Variants in GLB1L3 observed in about 807,000 individuals in gnomAD.
GLB1L3 encodes galactosidase beta 1 like 3.
Under a neutral mutation model 89.5 loss-of-function variants are expected in GLB1L3, and 89 were observed. The ratio of observed to expected loss-of-function variants is 0.99; its 90% CI spans 0.84 to 1.19. The LOEUF (loss-of-function observed/expected upper bound fraction) is 1.19. Ranked by LOEUF, GLB1L3 falls within the 50% of genes most tolerant of loss-of-function variation. The pLI is 0.00. For synonymous variants in GLB1L3, 314 were observed against 312.3 expected, an observed-to-expected ratio of 1.01 and a Z score of -0.06; for missense variants, 812 against 813.3, an observed-to-expected ratio of 1.00 and a Z score of 0.02.
intron 9 of GLB1L3, among the ~76,000 whole-genome samples, chr11:134,296,788 A>G (rs1377770686): frequency 2.0e-5 from 3 of 150,844 alleles, no homozygotes; most frequent in Non-Finnish European, 4.4e-5. Context: ...ACATGTATAC[A>G]TATGTAACTA....
At chr11:134,290,509 G>A (rs1278127370) in intron 7 of GLB1L3, among the ~76,000 whole-genome samples, 1 of 149,232 alleles carries the variant, frequency 6.7e-6, no homozygotes, top group African/African-American at 2.5e-5. Flanking sequence ...GGAGATGGAG[G>A]TTGCAGTGAG....
rs1345375875 is a variant in GLB1L3 at position 134,319,051 on chromosome 11, T to A, written c.*109T>A. On this transcript the variant is annotated 3_prime_UTR_variant, in exon 20 of 20. Coordinates refer to ENST00000431683, the MANE Select transcript of GLB1L3 (RefSeq NM_001080407.3). ...CTCACTGCAAGCTCAGCCTCTCGGG[T>A]TCACGCCATTCTCCTGCCTCAGCCT... 2 of 753,086 alleles carry A rather than the reference T, an allele frequency of 2.7e-6. No homozygotes were observed. Among genetic ancestry groups the A allele is most frequent in the Non-Finnish European group, 4.5e-6 (2 of 443,260 alleles). The allele number at this position is 753,086 out of a possible 1,614,324, so 46.7% of individuals were successfully genotyped here.
At chr11:134,294,466 C>T (rs556054669) in intron 9 of GLB1L3, among the ~76,000 whole-genome samples, 1 of 152,218 alleles carries the variant, frequency 6.6e-6, no homozygotes, top group Non-Finnish European at 1.5e-5. Flanking sequence ...AATACCTTTG[C>T]TAAGTCTTCT....
chr11:134,316,976 A>C (rs1190191527), intron 18 of GLB1L3: 1 of 150,900 alleles, frequency 6.6e-6, no homozygotes, highest in Non-Finnish European at 1.5e-5. Context: ...CGAAGGCGCC[A>C]TTTGGCAGGT....
intron 10 of GLB1L3, 47 bp downstream of exon 10, chr11:134,307,255 C>A: frequency 1.5e-6 from 2 of 1,322,272 alleles, no homozygotes; most frequent in Non-Finnish European, 2.2e-6. Context: ...GGCCCCAGGT[C>A]CCATGAGAAC....
rs763123025 is a variant in GLB1L3, at chr11:134,312,873, A to G, written c.1486A>G (p.Ile496Val). 10 of 1,607,764 alleles carry G rather than the reference A, an allele frequency of 6.2e-6. No individual in the cohort carries two copies. The Admixed American group carries it at 1.3e-4, about 22-fold the overall frequency. Residue 496 changes from isoleucine to valine, a missense_variant, in exon 15 of 20, where the codon ATT (isoleucine) becomes GTT (valine). Ile to Val is a conservative substitution (Grantham distance 29, BLOSUM62 3). Coordinates refer to ENST00000431683, the MANE Select transcript of GLB1L3 (RefSeq NM_001080407.3). ...GAATGAGAATAATAAGGACCTGCAC[A>G]TTCCTGAACTCAGGGTATGTAATTT... The part of the protein sequence containing the change: ...ILNENNKDLH[I>V]PELRDCRYLR...
chr11:134,318,386 T>G (rs1461018689), intron 18 of GLB1L3, among the ~76,000 whole-genome samples: 1 of 152,250 alleles, frequency 6.6e-6, no homozygotes, highest in Non-Finnish European at 1.5e-5. Flanking sequence ...TTTTAAAATA[T>G]ATAACATTAT....
At chr11:134,288,927 C>T (rs1280191336) in intron 7 of GLB1L3, 37 bp downstream of exon 7, 3 of 1,344,758 alleles carry the variant, frequency 2.2e-6, no homozygotes, top group Admixed American at 1.8e-5. Flanking sequence ...GTTTACATGC[C>T]TCCTTCCTCC....
At chr11:134,288,592 G>A (rs1941150278) in intron 6 of GLB1L3, among the ~76,000 whole-genome samples, 1 of 152,146 alleles carries the variant, frequency 6.6e-6, no homozygotes. Flanking sequence ...GTTACGTACT[G>A]TAACGCACTA....
chr11:134,281,750 G>T (rs1226508004), intron 4 of GLB1L3, among the ~76,000 whole-genome samples: 3 of 119,174 alleles, frequency 2.5e-5, no homozygotes, highest in African/African-American at 8.6e-5. Flanking sequence ...GGCCCCTCTA[G>T]GCTAGCAAGG....
intron 15 of GLB1L3, 69 bp downstream of exon 15, chr11:134,312,956 ACAGT>A (rs1412088525): frequency 2.4e-5 from 26 of 1,096,428 alleles, no homozygotes; most frequent in Non-Finnish European, 3.3e-5. Flanking sequence ...TGGTCCTGAG[ACAGT>A]CAGCCTCCCT....
upstream of GLB1L3, chr11:134,276,354 C>T: frequency 5.0e-6 from 1 of 198,962 alleles, no homozygotes; most frequent in Non-Finnish European, 1.0e-5. Context: ...GCGCTGCGCT[C>T]TCTCCGCCCC....
At chr11:134,290,589 GAAAAGAAAAAAAAAGA>G (rs1941303953) in intron 7 of GLB1L3, among the ~76,000 whole-genome samples, 5 of 103,954 alleles carry the variant, frequency 4.8e-5, no homozygotes, top group African/African-American at 1.0e-4. Context: ...CAAAAAAAAA[GAAAAGAAAAAAAAAGA>G]AAAAGAAAAA....
At chr11:134,277,208 G>A (rs1466624359) in intron 1 of GLB1L3, 118 bp from the exon 2 acceptor site, 2 of 1,332,746 alleles carry the variant, frequency 1.5e-6, no homozygotes, top group East Asian at 2.3e-5. Flanking sequence ...ACCCGCCTGT[G>A]TCGCGGGCCC....
At chr11:134,278,135 GGGA>G (rs1940481562) in intron 3 of GLB1L3, among the ~76,000 whole-genome samples, 1 of 152,308 alleles carries the variant, frequency 6.6e-6, no homozygotes, top group South Asian at 2.1e-4. Context: ...AGAATCTCAA[GGGA>G]GGAGGTTATT....
At position 134,310,746 on chromosome 11, in the gene GLB1L3, C is replaced by T. The variant is rs571920460; in HGVS notation, c.1180+95C>T. 1.1e-5 allele frequency: 10 copies of T among 892,046 alleles called. No individual in the cohort carries two copies. The South Asian group carries it at 1.4e-4, about 12-fold the overall frequency. The allele number at this position is 892,046 out of a possible 1,614,324, so 55.3% of individuals were successfully genotyped here. A position where few individuals can be genotyped will look rare whatever the true frequency, so the allele number is the denominator to read the frequency against. Reference sequence around the variant, plus strand: ...GGAAGGCGTGGGTCTCCCTTGTGGGCAGCAGTTACACCAAGCTCCTGAGAA... The same window carrying T: ...GGAAGGCGTGGGTCTCCCTTGTGGGTAGCAGTTACACCAAGCTCCTGAGAA... On this transcript the variant is annotated intron_variant, in intron 12 of 19. Coordinates refer to ENST00000431683, the MANE Select transcript of GLB1L3 (RefSeq NM_001080407.3).
At chr11:134,296,842 A>AATAAT (rs1230328637) in intron 9 of GLB1L3, among the ~76,000 whole-genome samples, 30 of 131,702 alleles carry the variant, frequency 2.3e-4, no homozygotes, top group African/African-American at 7.8e-4. Flanking sequence ...AAAGTATAAT[A>AATAAT]ATAATAATAA....
intron 18 of GLB1L3, among the ~76,000 whole-genome samples, chr11:134,316,034 C>G (rs567386085): frequency 5.1e-4 from 78 of 152,206 alleles, no homozygotes; most frequent in Non-Finnish European, 9.1e-4. Context: ...ATTAAGTAGT[C>G]TTTCATGCCT....
At chr11:134,320,704 T>C (rs1485156331), downstream of GLB1L3, among the ~76,000 whole-genome samples, 1 of 151,520 alleles carries the variant, frequency 6.6e-6, no homozygotes, top group Admixed American at 6.6e-5. Flanking sequence ...CAACTTAGAA[T>C]TCTTTACCCA....
Sources: allele counts gnomAD v4.1 joint callset (sites outside exome capture counted in the v4.1 genomes callset), GRCh38; gene constraint gnomAD v4.1.1; transcripts MANE v1.5; gene names NCBI Gene and HGNC (gene_info 2026-07-23, HGNC 2026-07-21).